Variants in THAP5 observed in about 807,000 individuals in gnomAD.
THAP5 encodes THAP domain-containing protein 5.
In THAP5, 26 loss-of-function variants were observed where a neutral mutation model predicts 34.0. The observed-to-expected ratio is 0.77, with a 90% CI of 0.56 to 1.06. The LOEUF (loss-of-function observed/expected upper bound fraction) is 1.06. Among genes scored for constraint, THAP5 ranks in the 50% least tolerant of loss-of-function variants. The probability of loss-of-function intolerance (pLI) is 0.00; values close to 1 mark genes in which losing one functional copy is unlikely to be tolerated. For synonymous variants in THAP5, 125 were observed against 153.0 expected (o/e 0.82, Z 1.35); for missense variants, 394 against 452.8 (o/e 0.87, Z 1.18).
rs1790372816 is a variant in THAP5, at chr7:108,562,549, C to T, written c.*1642G>A. 6.6e-6 allele frequency: 1 copy of T among 152,130 alleles called. No individual in the cohort carries two copies. The highest frequency in any genetic ancestry group is 2.1e-4 in the South Asian group (1 of 4,836). 9.4% of individuals were successfully genotyped at this position (152,130 alleles called of 1,614,324 possible). On this transcript the variant is annotated 3_prime_UTR_variant, in exon 3 of 3. Transcript: ENST00000415914. Reference sequence around the variant, plus strand: ...AGTCAGAGTCAACTTTTATTGAGCACCTCCTATATTCCAGAACCAAAAACA... The same window carrying T: ...AGTCAGAGTCAACTTTTATTGAGCATCTCCTATATTCCAGAACCAAAAACA...
At chr7:108,554,726 T>G (rs977814764) in exon 2 of THAP5, 2 of 152,188 alleles carry the variant, frequency 1.3e-5, no homozygotes, top group African/African-American at 2.4e-5. Context: ...TACTGTCACT[T>G]TTTCATTTGT....
chr7:108,556,535 TA>T (rs1022984587), intron 1 of THAP5, among the ~76,000 whole-genome samples: 5 of 152,132 alleles, frequency 3.3e-5, no homozygotes, highest in African/African-American at 1.2e-4. Context: ...GGGCAGTCAT[TA>T]AATGTCAAAG....
At chr7:108,560,898 G>A (rs910329884), downstream of THAP5, among the ~76,000 whole-genome samples, 2 of 151,914 alleles carry the variant, frequency 1.3e-5, no homozygotes, top group East Asian at 1.9e-4. Context: ...CTACCATGCC[G>A]AGCTAATTTT....
Position 108,555,708 on chromosome 7 carries a change from T to C in THAP5, n.109-849A>G, listed in dbSNP as rs991574592. 1.4e-4 allele frequency among the ~76,000 whole-genome samples: 21 copies of C among 149,638 alleles called. 1 individual carries two copies. The South Asian group carries it at 2.3e-3, about 17-fold the overall frequency. On this transcript the variant is annotated intron_variant and non_coding_transcript_variant, in intron 1 of 1. Coordinates refer to the THAP5 transcript ENST00000468884. ...GGGAAGCAAGCACCTTTTTCTTTTT[T>C]TTTTTTTTTTTTGAGACAGAATCTC...
chr7:108,546,409 C>T, the THAP5 span, among the ~76,000 whole-genome samples: 1 of 152,130 alleles, frequency 6.6e-6, no homozygotes, highest in African/African-American at 2.4e-5. Flanking sequence ...GTGTGTACAC[C>T]TGGAACAGGT....
intron 1 of THAP5, 137 bp downstream of exon 1, chr7:108,569,353 G>C (rs1268901689): frequency 6.7e-7 from 1 of 1,498,900 alleles, no homozygotes. Flanking sequence ...CCTTCCCTCC[G>C]TCTTGCCGCG....
downstream of THAP5, among the ~76,000 whole-genome samples, chr7:108,549,762 G>A (rs1037253415): frequency 2.0e-5 from 3 of 152,112 alleles, no homozygotes; most frequent in South Asian, 2.1e-4. Flanking sequence ...TTCTACCCCA[G>A]ATGAGTGAGT....
At chr7:108,546,167 A>G in the THAP5 span, among the ~76,000 whole-genome samples, 1 of 152,196 alleles carries the variant, frequency 6.6e-6, no homozygotes, top group Non-Finnish European at 1.5e-5. Context: ...TCACTTTATC[A>G]ACCATCTGTC....
the THAP5 span, among the ~76,000 whole-genome samples, chr7:108,548,920 C>T: frequency 2.6e-5 from 4 of 152,032 alleles, no homozygotes; most frequent in Non-Finnish European, 5.9e-5. Flanking sequence ...GAGCCCATAG[C>T]TCTTACACAT....
intron 1 of THAP5, chr7:108,568,709 C>T (rs918472915): frequency 6.5e-6 from 1 of 153,542 alleles, no homozygotes; most frequent in Non-Finnish European, 1.5e-5. Context: ...TGTTATTAAT[C>T]ATGTGAGTAC....
the THAP5 span, among the ~76,000 whole-genome samples, chr7:108,547,604 G>A: frequency 6.6e-6 from 1 of 152,154 alleles, no homozygotes; most frequent in Non-Finnish European, 1.5e-5. Context: ...AACATTAAAA[G>A]TTATTTTCCC....
exon 2 of THAP5, chr7:108,554,677 C>T (rs1599007049): frequency 6.6e-6 from 1 of 152,168 alleles, no homozygotes; most frequent in African/African-American, 2.4e-5. Context: ...CATTTACCTG[C>T]ATCATCCATC....
chr7:108,552,836 T>C (rs1367015936), downstream of THAP5, among the ~76,000 whole-genome samples: 3 of 152,196 alleles, frequency 2.0e-5, no homozygotes, highest in African/African-American at 7.2e-5. Flanking sequence ...GTTGTTATAG[T>C]AGGATATGAG....
chr7:108,552,774 T>G (rs1383490274), downstream of THAP5, among the ~76,000 whole-genome samples: 1 of 148,032 alleles, frequency 6.8e-6, no homozygotes, highest in Non-Finnish European at 1.5e-5. Context: ...CACTCCAGCC[T>G]GGGTGAGAGA....
At chr7:108,560,281 G>A (rs1356125347), downstream of THAP5, among the ~76,000 whole-genome samples, 1 of 152,208 alleles carries the variant, frequency 6.6e-6, no homozygotes, top group Non-Finnish European at 1.5e-5. Flanking sequence ...TTTTACAGCA[G>A]CACAGAACTA....
chr7:108,547,560 A>G, the THAP5 span, among the ~76,000 whole-genome samples: 1 of 152,196 alleles, frequency 6.6e-6, no homozygotes, highest in African/African-American at 2.4e-5. Context: ...CTTAATCCCT[A>G]AATTTATTTT....
At chr7:108,542,737 A>C in the THAP5 span, among the ~76,000 whole-genome samples, 1 of 152,122 alleles carries the variant, frequency 6.6e-6, no homozygotes. Context: ...TGCTGGGATT[A>C]CAGGCGTGAG....
intron 2 of THAP5, 193 bp from the exon 3 acceptor site, chr7:108,565,298 T>C (rs1790462668): frequency 4.5e-6 from 2 of 440,548 alleles, no homozygotes; most frequent in Admixed American, 7.9e-5. Context: ...CAGAAACATT[T>C]CAGATCATTC....
At chr7:108,544,427 A>G in the THAP5 span, among the ~76,000 whole-genome samples, 1 of 151,762 alleles carries the variant, frequency 6.6e-6, no homozygotes, top group Non-Finnish European at 1.5e-5. Context: ...GCTACTCAGG[A>G]GGCCAAGGCA....
Sources: gnomAD v4.1 joint callset for allele counts (sites outside exome capture counted in the v4.1 genomes callset) on GRCh38, gnomAD v4.1.1 for gene constraint, MANE v1.5 for transcripts, NCBI Gene and HGNC (gene_info 2026-07-23, HGNC 2026-07-21) for gene names.